The following CNIH1 variants were observed in gnomAD, a reference collection of about 807,000 sequenced individuals.
The protein encoded by CNIH1 is cornichon family member 1.
CNIH1 carries 12 observed loss-of-function variants against 20.2 expected under a neutral mutation model. The observed-to-expected ratio is 0.59, with a 90% CI of 0.38 to 0.96. The LOEUF (loss-of-function observed/expected upper bound fraction) is 0.96, where lower values mean the gene tolerates loss of function less well. CNIH1 is among the 40% of genes least tolerant of loss of function. The pLI is 0.00. For missense variants in CNIH1, 152 were observed against 178.8 expected (o/e 0.85, Z 0.85); for synonymous variants, 69 against 63.3 (o/e 1.09, Z -0.43).
intron 3 of CNIH1, among the ~76,000 whole-genome samples, chr14:54,431,133 A>AC (rs1555363204): frequency 7.0e-6 from 1 of 143,048 alleles, no homozygotes; most frequent in African/African-American, 2.6e-5. Context: ...CCCTGAGTAA[A>AC]TTTTTTTTTT....
chr14:54,425,999 A>G lies in CNIH1; in HGVS notation c.*1815T>C, dbSNP rs909775590. ...AGACTTGGCCAGGTCTTGCATGATC[A>G]AAAGTCCTTGTGAACAAGAAAGAAA... On this transcript the variant is annotated 3_prime_UTR_variant, in exon 5 of 5. Transcript: ENST00000216416. 1 of 152,204 alleles carries G rather than the reference A, an allele frequency of 6.6e-6. No individual in the cohort carries two copies. The highest frequency in any genetic ancestry group is 1.5e-5 in the Non-Finnish European group (1 of 68,042). 9.4% of individuals were successfully genotyped at this position (152,204 alleles called of 1,614,324 possible). A position where few individuals can be genotyped will look rare whatever the true frequency, so the allele number is the denominator to read the frequency against.
intron 3 of CNIH1, among the ~76,000 whole-genome samples, chr14:54,431,729 G>A (rs1313352147): frequency 6.6e-6 from 1 of 152,152 alleles, no homozygotes; most frequent in Non-Finnish European, 1.5e-5. Flanking sequence ...AGAGGTCAGT[G>A]GTCTTGGGAG....
chr14:54,440,128 A>G (rs2031139728), intron 1 of CNIH1, among the ~76,000 whole-genome samples: 1 of 152,222 alleles, frequency 6.6e-6, no homozygotes, highest in Non-Finnish European at 1.5e-5. Context: ...TCCACTTTCG[A>G]GACTTTTTTG....
At chr14:54,435,755 CTCACAATAAG>C (rs1252893689) in intron 2 of CNIH1, among the ~76,000 whole-genome samples, 1 of 152,146 alleles carries the variant, frequency 6.6e-6, no homozygotes, top group Admixed American at 6.5e-5. Flanking sequence ...CACATACTAC[CTCACAATAAG>C]TCACAACCCG....
At position 54,436,687 on chromosome 14, in the gene CNIH1, G is replaced by T. The variant is rs570713593; in HGVS notation, c.82-250C>A. The T allele has an allele frequency of 1.3e-5, 7 of 535,606 alleles. No individual in the cohort carries two copies. In the Admixed American group the frequency reaches 1.9e-4, roughly 14 times the overall value. The allele number at this position is 535,606 out of a possible 1,614,324, so 33.2% of individuals were successfully genotyped here. On this transcript the variant is annotated intron_variant, in intron 1 of 4. Transcript: ENST00000216416. ...ATAAATACCTTCAATTTTCAATTTCGTCAATGCCTCTGCTCAAGTTATTTC... is the reference window on the plus strand; with the variant it reads ...ATAAATACCTTCAATTTTCAATTTCTTCAATGCCTCTGCTCAAGTTATTTC...
At chr14:54,439,552 C>A (rs1039520468) in intron 1 of CNIH1, among the ~76,000 whole-genome samples, 2 of 146,716 alleles carry the variant, frequency 1.4e-5, no homozygotes, top group Admixed American at 1.4e-4. Flanking sequence ...TTCTTTCTTT[C>A]TTTTTTTTTG....
In CNIH1 at chr14:54,427,601, A is replaced by G; in HGVS notation, c.*213T>C. 1.8e-6 allele frequency: 1 copy of G among 565,464 alleles called. No homozygotes were observed. The highest frequency in any genetic ancestry group is 3.1e-6 in the Non-Finnish European group (1 of 319,516). The allele number at this position is 565,464 out of a possible 1,614,324, so 35.0% of individuals were successfully genotyped here. A position where few individuals can be genotyped will look rare whatever the true frequency, so the allele number is the denominator to read the frequency against. On this transcript the variant is annotated 3_prime_UTR_variant, in exon 5 of 5. Transcript: ENST00000216416. ...AATCATTTTATATTAATTTATACGT[A>G]ATACCATTTAAAATCTTTATCTGAG...
At chr14:54,431,858 A>G (rs2140001930) in intron 3 of CNIH1, among the ~76,000 whole-genome samples, 1 of 152,270 alleles carries the variant, frequency 6.6e-6, no homozygotes, top group African/African-American at 2.4e-5. Flanking sequence ...AAATTCATTG[A>G]GCTATATACT....
chr14:54,430,803 CTGGTTTTTTT>C (rs1318162558), intron 3 of CNIH1, among the ~76,000 whole-genome samples: 1 of 151,932 alleles, frequency 6.6e-6, no homozygotes, highest in Non-Finnish European at 1.5e-5. Context: ...ATTCTGAGTA[CTGGTTTTTTT>C]TGGTTTTTTG....
intron 4 of CNIH1, among the ~76,000 whole-genome samples, chr14:54,429,466 G>A (rs577788415): frequency 7.9e-5 from 12 of 152,206 alleles, no homozygotes; most frequent in Admixed American, 7.9e-4. Context: ...AGTATAAAAG[G>A]AAAAAAATCA....
chr14:54,436,600 A>G, intron 1 of CNIH1, 163 bp from the exon 2 acceptor site: 1 of 594,622 alleles, frequency 1.7e-6, no homozygotes, highest in South Asian at 2.1e-5. Context: ...AAAAAGAACC[A>G]GAATGCGATT....
rs73254788 is a variant in CNIH1 at position 54,433,405 on chromosome 14, A to C, written c.151-1185T>G. The stretch of plus-strand genomic sequence containing the variant: ...CTAATGAATACTATTTTTAAAAAAA[A>C]TCCAGGTAAACAACTCATCTACACC... On this transcript the variant is annotated intron_variant, in intron 2 of 4. Transcript: ENST00000216416. Among the ~76,000 whole-genome samples, 233 of 152,336 alleles carry C rather than the reference A, an allele frequency of 1.5e-3. 1 individual carries two copies. Among genetic ancestry groups the C allele is most frequent in the African/African-American group, 5.2e-3 (217 of 41,568 alleles).
chr14:54,438,434 T>C lies in CNIH1; in HGVS notation c.82-1997A>G, dbSNP rs553829562. Among the ~76,000 whole-genome samples, 29 of 152,282 alleles carry C rather than the reference T, an allele frequency of 1.9e-4. No individual in the cohort carries two copies. In the East Asian group the frequency reaches 2.5e-3, roughly 13 times the overall value. On this transcript the variant is annotated intron_variant, in intron 1 of 4. Coordinates refer to ENST00000216416, the MANE Select transcript of CNIH1 (RefSeq NM_005776.3). Reference sequence around the variant, plus strand: ...ACACCCACAAAATTTCCTACAGAAGTATAACAAAAATAAAACAGATAAATC... The same window carrying C: ...ACACCCACAAAATTTCCTACAGAAGCATAACAAAAATAAAACAGATAAATC...
intron 4 of CNIH1, 22 bp from the exon 5 acceptor site, chr14:54,427,863 T>C: frequency 6.2e-7 from 1 of 1,611,378 alleles, no homozygotes; most frequent in Non-Finnish European, 8.5e-7. Context: ...AAAAAAGATG[T>C]TAATTTGAAC....
chr14:54,428,187 C>G (rs1006102219), intron 4 of CNIH1, among the ~76,000 whole-genome samples: 5 of 152,112 alleles, frequency 3.3e-5, no homozygotes, highest in African/African-American at 4.8e-5. Flanking sequence ...GCTCACTTCA[C>G]GCCAGGCCCT....
rs2031089890 is a variant in CNIH1, at chr14:54,438,003, AG to A, written c.82-1567del. 4.7e-5 allele frequency among the ~76,000 whole-genome samples: 7 copies of A among 148,054 alleles called. 1 individual carries two copies. Among genetic ancestry groups the A allele is most frequent in the Admixed American group, 6.7e-5 (1 of 14,906 alleles). ...GTTTTTTTTTTTTTTTTCTTGAGAC[AG>A]GGTCTTACTCTGTCACCCAGGCTGG... On this transcript the variant is annotated intron_variant, in intron 1 of 4. Transcript: ENST00000216416.
intron 3 of CNIH1, among the ~76,000 whole-genome samples, chr14:54,430,911 A>T (rs2030929195): frequency 6.6e-6 from 1 of 152,088 alleles, no homozygotes; most frequent in South Asian, 2.1e-4. Context: ...GGCTCACCAC[A>T]ATCTCAGATT....
At chr14:54,438,777 C>T (rs1448092080) in intron 1 of CNIH1, among the ~76,000 whole-genome samples, 2 of 152,138 alleles carry the variant, frequency 1.3e-5, no homozygotes, top group African/African-American at 4.8e-5. Flanking sequence ...AAATCTGATC[C>T]CCAATGTTGG....
intron 1 of CNIH1, among the ~76,000 whole-genome samples, chr14:54,440,383 T>C (rs2031145799): frequency 6.6e-6 from 1 of 152,244 alleles, no homozygotes; most frequent in South Asian, 2.1e-4. Context: ...GCAACAGAAA[T>C]TCTTATCTCT....
Sources: gnomAD v4.1 joint callset for allele counts (sites outside exome capture counted in the v4.1 genomes callset) on GRCh38, gnomAD v4.1.1 for gene constraint, MANE v1.5 for transcripts, NCBI Gene and HGNC (gene_info 2026-07-23, HGNC 2026-07-21) for gene names.